The following TTC34 variants were observed in gnomAD, a reference collection of about 807,000 sequenced individuals.
The protein encoded by TTC34 is tetratricopeptide repeat protein 34.
TTC34 carries 44 observed loss-of-function variants against 40.7 expected under a neutral mutation model. The ratio of observed to expected loss-of-function variants is 1.08; its 90% CI spans 0.85 to 1.39. TTC34 has a LOEUF of 1.39. Ranked by LOEUF, TTC34 falls within the 40% of genes most tolerant of loss-of-function variation. TTC34 has a pLI of 0.00. For missense variants in TTC34, 884 were observed against 838.0 expected (o/e 1.05, Z -0.68); for synonymous variants, 422 against 398.6 (o/e 1.06, Z -0.70).
exon 2 of TTC34, chr1:2,800,212 C>T (rs914980882): frequency 7.5e-6 from 3 of 398,388 alleles, no homozygotes; most frequent in Admixed American, 8.8e-5. Context: ...TCCTGCTGGC[C>T]GGCACTGTGC....
chr1:2,642,628 C>G (rs1280041128), intron 8 of TTC34, among the ~76,000 whole-genome samples: 2 of 152,242 alleles, frequency 1.3e-5, no homozygotes, highest in African/African-American at 4.8e-5. Flanking sequence ...GGCTCCTCCT[C>G]CGCTCAAGAA....
chr1:2,783,468 G>T, intron 6 of TTC34, 141 bp downstream of exon 6: 1 of 853,380 alleles, frequency 1.2e-6, no homozygotes, highest in Non-Finnish European at 1.6e-6. Context: ...GTACAGGTGG[G>T]GATGGGAACA....
intron 6 of TTC34, among the ~76,000 whole-genome samples, chr1:2,764,181 AC>A (rs1641722619): frequency 7.3e-6 from 1 of 137,184 alleles, no homozygotes; most frequent in Non-Finnish European, 1.6e-5. Context: ...GCACCCTGCA[AC>A]CCCAGGTGAG....
chr1:2,697,202 TC>T (rs1640907285), intron 6 of TTC34, among the ~76,000 whole-genome samples: 5 of 9,592 alleles, frequency 5.2e-4, no homozygotes, highest in Admixed American at 1.4e-3. Flanking sequence ...AGCACCCACA[TC>T]CCCAGGTGAG....
chr1:2,775,662 C>T (rs1643079778), intron 6 of TTC34: 1 of 148,530 alleles, frequency 6.7e-6, no homozygotes, highest in South Asian at 2.1e-4. Context: ...TAAAACAGCA[C>T]CCCACAACCC....
intron 6 of TTC34, among the ~76,000 whole-genome samples, chr1:2,647,617 G>A (rs2100990271): frequency 6.6e-6 from 1 of 152,300 alleles, no homozygotes; most frequent in East Asian, 1.9e-4. Flanking sequence ...CTAGGTGACA[G>A]AGTGAGACTC....
Position 2,643,114 on chromosome 1 carries a change from C to A in TTC34, c.2712+1150G>T, listed in dbSNP as rs1269604768. On this transcript the variant is annotated intron_variant, in intron 8 of 8. Coordinates refer to ENST00000401095, the Ensembl canonical transcript of TTC34. ...GGCGAGGCCCCGAGCAGCTGTCGGA[C>A]CCCGGGAGCCCCCAGGCCGCCCCAG... Among the ~76,000 whole-genome samples, 5 of 152,200 alleles carry A rather than the reference C, an allele frequency of 3.3e-5. No individual in the cohort carries two copies. The East Asian group carries it at 9.7e-4, about 29-fold the overall frequency.
chr1:2,772,913 C>T (rs1348242924), intron 6 of TTC34, among the ~76,000 whole-genome samples: 18 of 79,548 alleles, frequency 2.3e-4, no homozygotes, highest in East Asian at 5.1e-4. Context: ...GGTGAGCATT[C>T]GACAGCCTGG....
At chr1:2,746,514 C>G (rs1319298689) in intron 6 of TTC34, among the ~76,000 whole-genome samples, 1 of 35,944 alleles carries the variant, frequency 2.8e-5, no homozygotes, top group Non-Finnish European at 4.2e-5. Flanking sequence ...GGGCACACCC[C>G]CAGGTGAGGA....
chr1:2,653,258 C>G (rs569764193), intron 6 of TTC34, among the ~76,000 whole-genome samples: 16 of 144,366 alleles, frequency 1.1e-4, no homozygotes, highest in East Asian at 6.6e-4. Flanking sequence ...CCCAGGTGAG[C>G]CTCTGACAAC....
exon 9 of TTC34, chr1:2,637,189 A>C (rs1226472649): frequency 2.0e-5 from 3 of 152,056 alleles, no homozygotes; most frequent in Non-Finnish European, 4.4e-5. Context: ...GTACCACTCA[A>C]AGGTGGGCAT....
chr1:2,698,897 G>C (rs1368985135), intron 6 of TTC34, among the ~76,000 whole-genome samples: 1 of 147,874 alleles, frequency 6.8e-6, no homozygotes, highest in East Asian at 2.0e-4. Flanking sequence ...ACCCCCAGGT[G>C]AGCATCTGAC....
chr1:2,657,508 C>A (rs147451570), intron 6 of TTC34, among the ~76,000 whole-genome samples: 12,547 of 92,830 alleles, frequency 0.14, 4 homozygotes, highest in Non-Finnish European at 0.24. Flanking sequence ...CAACCCCAGG[C>A]GAGCATCTGA....
intron 5 of TTC34, among the ~76,000 whole-genome samples, chr1:2,784,421 T>C (rs1297251927): frequency 2.6e-5 from 4 of 152,300 alleles, no homozygotes; most frequent in Middle Eastern, 6.8e-3. Flanking sequence ...GGGAGGGGTT[T>C]AGACCTCTGG....
intron 6 of TTC34, among the ~76,000 whole-genome samples, chr1:2,759,479 C>G (rs1403859546): frequency 7.9e-6 from 1 of 127,296 alleles, no homozygotes; most frequent in Non-Finnish European, 1.7e-5. Context: ...CACCCCACAC[C>G]CCCAGGTGAG....
chr1:2,760,496 C>G (rs1327155310), intron 6 of TTC34, among the ~76,000 whole-genome samples: 3 of 53,720 alleles, frequency 5.6e-5, no homozygotes, highest in Non-Finnish European at 8.7e-5. Context: ...CGCAGGTGAG[C>G]ATCTGACAGC....
intron 6 of TTC34, among the ~76,000 whole-genome samples, chr1:2,748,771 G>T (rs1641226498): frequency 7.3e-6 from 1 of 136,888 alleles, no homozygotes; most frequent in Non-Finnish European, 1.5e-5. Context: ...CCCTAGGAGA[G>T]CATCCGGCAG....
chr1:2,651,221 C>T (rs185551187), intron 6 of TTC34, among the ~76,000 whole-genome samples: 5 of 151,916 alleles, frequency 3.3e-5, no homozygotes, highest in African/African-American at 7.2e-5. Context: ...CTGCCTGGAA[C>T]GGCACTCACA....
At chr1:2,784,178 C>T (rs1268209051) in intron 5 of TTC34, among the ~76,000 whole-genome samples, 1 of 152,210 alleles carries the variant, frequency 6.6e-6, no homozygotes, top group Non-Finnish European at 1.5e-5. Flanking sequence ...AAGTGATTGA[C>T]AAGGTGAAGC....
Sources: gnomAD v4.1 joint callset for allele counts (sites outside exome capture counted in the v4.1 genomes callset) on GRCh38, gnomAD v4.1.1 for gene constraint, MANE v1.5 for transcripts, NCBI Gene and HGNC (gene_info 2026-07-23, HGNC 2026-07-21) for gene names.